The following ARID3B variants were observed in gnomAD, a reference collection of about 807,000 sequenced individuals.
The protein encoded by ARID3B is AT-rich interactive domain-containing protein 3B.
Under a neutral mutation model 51.9 loss-of-function variants are expected in ARID3B, and 10 were observed. The observed-to-expected ratio is 0.19, with a 90% confidence interval of 0.12 to 0.33. The LOEUF is 0.33. Among genes scored for constraint, ARID3B ranks in the 10% least tolerant of loss-of-function variants. ARID3B has a pLI of 1.00. For synonymous variants in ARID3B, 205 were observed against 279.5 expected (o/e 0.73, Z 2.66); for missense variants, 483 against 716.3 (o/e 0.67, Z 3.72).
At chr15:74,562,634 G>A (rs531222203) in intron 2 of ARID3B, among the ~76,000 whole-genome samples, 2 of 152,256 alleles carry the variant, frequency 1.3e-5, no homozygotes, top group South Asian at 4.1e-4. Context: ...TTACAGGCAC[G>A]AGCCACCTCA....
At chr15:74,578,924 G>C (rs2061748629) in intron 4 of ARID3B, among the ~76,000 whole-genome samples, 1 of 151,790 alleles carries the variant, frequency 6.6e-6, no homozygotes, top group Non-Finnish European at 1.5e-5. Context: ...AAAGGGAAAG[G>C]GAAATGCAAG....
chr15:74,543,465 G>T (rs2061601617), intron 1 of ARID3B, among the ~76,000 whole-genome samples: 1 of 152,098 alleles, frequency 6.6e-6, no homozygotes, highest in Non-Finnish European at 1.5e-5. Flanking sequence ...GCATAATTAT[G>T]CTTCTGCTAC....
intron 4 of ARID3B, among the ~76,000 whole-genome samples, chr15:74,575,596 T>C (rs540206781): frequency 2.6e-5 from 4 of 152,218 alleles, no homozygotes; most frequent in Non-Finnish European, 5.9e-5. Context: ...TTGCTGCATA[T>C]CCTGCTGTTC....
In ARID3B at chr15:74,598,051, G is replaced by A. The variant is rs1247257147; in HGVS notation, c.*2277G>A. On this transcript the variant is annotated 3_prime_UTR_variant, in exon 9 of 9. Transcript: ENST00000346246. ...TACCTCAGATGTCCTCCTGCAGCAA[G>A]TGTCTATATGTTGTGGTTATTTTCT... The A allele has an allele frequency of 5.7e-6, 3 of 528,196 alleles. No individual in the cohort carries two copies. Among genetic ancestry groups the A allele is most frequent in the South Asian group, 1.5e-5 (1 of 65,136 alleles). The allele number at this position is 528,196 out of a possible 1,614,324, so 32.7% of individuals were successfully genotyped here. A position where few individuals can be genotyped will look rare whatever the true frequency, so the allele number is the denominator to read the frequency against.
At chr15:74,593,046 C>A (rs2141481737) in intron 7 of ARID3B, 92 bp from the exon 8 acceptor site, 1 of 1,108,332 alleles carries the variant, frequency 9.0e-7, no homozygotes, top group Non-Finnish European at 1.3e-6. Context: ...CAGCGTGAGG[C>A]TTTGACCAGG....
intron 4 of ARID3B, among the ~76,000 whole-genome samples, chr15:74,579,450 C>G (rs1042562753): frequency 6.6e-6 from 1 of 152,180 alleles, no homozygotes; most frequent in Non-Finnish European, 1.5e-5. Context: ...CCTCCCCACT[C>G]TGGTGGCCAC....
chr15:74,548,734 C>T (rs1371950202), intron 2 of ARID3B, among the ~76,000 whole-genome samples: 3 of 152,162 alleles, frequency 2.0e-5, no homozygotes, highest in East Asian at 1.9e-4. Context: ...AGCGTGGGTT[C>T]TCTCTGAATT....
rs780287913 is a variant in ARID3B, at chr15:74,591,433, A to G, written c.1164A>G (p.Lys388=). The G allele has an allele frequency of 6.2e-7, 1 of 1,600,886 alleles. No individual in the cohort carries two copies. The highest frequency in any genetic ancestry group is 1.1e-5 in the South Asian group (1 of 90,704). The change falls in exon 6 of 9, where the codon AAA becomes AAG. Residue 388 remains lysine, a splice_region_variant and synonymous_variant. Transcript: ENST00000346246. The surrounding 1 kb of genome is among the most constrained non-coding windows in gnomAD (Gnocchi z 5.8). ...PRISPATTLR[K]GDGAPVTTVP... is the part of the protein sequence containing the mutation. ...TATCCCCAGCAACCACTCTCAGGAA[A>G]GGTCAGCAGGGCTCCTGGGGGAGAA...
chr15:74,556,760 C>CT (rs1390144579), intron 2 of ARID3B, among the ~76,000 whole-genome samples: 47 of 142,178 alleles, frequency 3.3e-4, no homozygotes, highest in South Asian at 1.1e-3. Context: ...TTCCTTTTTT[C>CT]TTTTTTTTGT....
At chr15:74,556,118 A>T (rs1013111339) in intron 2 of ARID3B, among the ~76,000 whole-genome samples, 2 of 152,030 alleles carry the variant, frequency 1.3e-5, no homozygotes, top group African/African-American at 4.8e-5. Context: ...TGCCTTCCTC[A>T]CTAAGCTTAA....
chr15:74,583,640 C>G (rs1225657853), intron 4 of ARID3B, among the ~76,000 whole-genome samples: 1 of 151,862 alleles, frequency 6.6e-6, no homozygotes, highest in Non-Finnish European at 1.5e-5. Flanking sequence ...TCGCTTGAAC[C>G]TGGGAGGTGG....
chr15:74,595,568 C>A, intron 8 of ARID3B, 43 bp from the exon 9 acceptor site: 1 of 1,591,360 alleles, frequency 6.3e-7, no homozygotes. Context: ...CCCTCCCCTT[C>A]GCTCTTCCTC....
intron 2 of ARID3B, among the ~76,000 whole-genome samples, chr15:74,558,906 G>A (rs1220132790): frequency 3.3e-5 from 5 of 152,128 alleles, no homozygotes; most frequent in African/African-American, 9.7e-5. Context: ...CATTGGTTTG[G>A]GTAGTGTGAA....
Position 74,544,414 on chromosome 15 carries a change from G to A in ARID3B, c.478G>A (p.Asp160Asn). The A allele has an allele frequency of 6.2e-7, 1 of 1,614,176 alleles. No homozygotes were observed. Among genetic ancestry groups the A allele is most frequent in the South Asian group, 1.1e-5 (1 of 91,078 alleles). ...GQQAKEDHTKDASKASPSVST... is the reference protein window; with the variant it reads ...GQQAKEDHTKNASKASPSVST... ...ACAAGCTAAAGAAGACCATACCAAAGATGCTTCCAAGGCCTCACCTTCTGT... is the reference window on the plus strand; with the variant it reads ...ACAAGCTAAAGAAGACCATACCAAAAATGCTTCCAAGGCCTCACCTTCTGT... Residue 160 changes from aspartate to asparagine, a missense_variant, in exon 2 of 9, where the codon GAT becomes AAT. This residue lies in a region of ARID3B where 182 missense variants were observed against 244.5 expected (regional missense o/e 0.74). Coordinates refer to ENST00000346246, the MANE Select transcript of ARID3B (RefSeq NM_006465.4).
At position 74,596,127 on chromosome 15, in the gene ARID3B, T is replaced by TC. The variant is rs2061824425; in HGVS notation, c.*356dup. On this transcript the variant is annotated 3_prime_UTR_variant, in exon 9 of 9. Transcript: ENST00000346246. ...GACGCAGGGCTGGAGGCCCTCCATTTCCCTCCCCTTTTAATTTATTTCCCT... is the reference window on the plus strand; with the variant it reads ...GACGCAGGGCTGGAGGCCCTCCATTTCCCCTCCCCTTTTAATTTATTTCCCT... The TC allele has an allele frequency of 3.6e-6, 1 of 281,074 alleles. No homozygotes were observed. Among genetic ancestry groups the TC allele is most frequent in the Non-Finnish European group, 6.7e-6 (1 of 150,182 alleles). 17.4% of individuals were successfully genotyped at this position (281,074 alleles called of 1,614,324 possible). A position where few individuals can be genotyped will look rare whatever the true frequency, so the allele number is the denominator to read the frequency against.
chr15:74,556,078 C>T (rs1229988573), intron 2 of ARID3B, among the ~76,000 whole-genome samples: 1 of 152,156 alleles, frequency 6.6e-6, no homozygotes, highest in Non-Finnish European at 1.5e-5. Flanking sequence ...AGGCTTGAGC[C>T]ACCGAGCCCG....
At chr15:74,565,709 G>A (rs1311535527) in intron 2 of ARID3B, among the ~76,000 whole-genome samples, 2 of 151,848 alleles carry the variant, frequency 1.3e-5, no homozygotes, top group South Asian at 2.1e-4. Flanking sequence ...TAAGATCTTA[G>A]AAGCATGGTC....
chr15:74,549,912 C>T (rs1158990349), intron 2 of ARID3B, among the ~76,000 whole-genome samples: 4 of 152,170 alleles, frequency 2.6e-5, no homozygotes, highest in Non-Finnish European at 5.9e-5. Context: ...CTGGACAGCC[C>T]CCCAACAGCA....
At chr15:74,580,345 A>G (rs2061757109) in intron 4 of ARID3B, among the ~76,000 whole-genome samples, 1 of 152,140 alleles carries the variant, frequency 6.6e-6, no homozygotes, top group South Asian at 2.1e-4. Context: ...GGAGGGACTA[A>G]TTTCTAAGTC....
Sources: gnomAD v4.1 joint callset for allele counts (sites outside exome capture counted in the v4.1 genomes callset) on GRCh38, gnomAD v4.1.1 for gene constraint, gnomAD v4.1.1 regional missense constraint, Gnocchi (gnomAD v3.1) non-coding constraint, MANE v1.5 for transcripts, NCBI Gene and HGNC (gene_info 2026-07-23, HGNC 2026-07-21) for gene names.